Variants in CADM2 observed in about 807,000 individuals in gnomAD.
CADM2 encodes the protein immunoglobulin superfamily member 4D.
A neutral mutation model predicts 49.8 loss-of-function variants in CADM2; 12 were observed. The ratio of observed to expected loss-of-function variants is 0.24; its 90% CI spans 0.15 to 0.39. The LOEUF (loss-of-function observed/expected upper bound fraction) is 0.39, where lower values mean the gene tolerates loss of function less well. CADM2 is among the 10% of genes least tolerant of loss of function. The pLI is 1.00. For missense variants in CADM2, 378 were observed against 492.3 expected (o/e 0.77, Z 2.20); for synonymous variants, 214 against 175.4 (o/e 1.22, Z -1.74).
rs150970018 is a variant in CADM2 at position 85,069,847 on chromosome 3, A to G, written c.61+110179A>G. Among the ~76,000 whole-genome samples the G allele has an allele frequency of 3.3e-5, 5 of 152,260 alleles. No homozygotes were observed. In the East Asian group the frequency reaches 9.6e-4, roughly 29 times the overall value. ...TTTCTTTGACTATAAGTGTTTCTGA[A>G]GAAGCTGATGTGATTATCTTAAATT... On this transcript the variant is annotated intron_variant, in intron 1 of 9. Coordinates refer to ENST00000383699, the MANE Select transcript of CADM2 (RefSeq NM_001167675.2).
rs375046911 is a variant in CADM2 at position 85,948,989 on chromosome 3, A to G, written c.792-12480A>G. On this transcript the variant is annotated intron_variant, in intron 7 of 9. Transcript: ENST00000383699. ...AGGAGATGTCATGGAAATGTGAGGC[A>G]TGGTGGACTTAAGCACCACCACTCA... Among the ~76,000 whole-genome samples the G allele has an allele frequency of 4.6e-5, 7 of 151,516 alleles. No individual in the cohort carries two copies. In the South Asian group the frequency reaches 1.2e-3, roughly 27 times the overall value.
At chr3:85,388,172 G>C (rs2034338513) in intron 1 of CADM2, among the ~76,000 whole-genome samples, 1 of 152,154 alleles carries the variant, frequency 6.6e-6, no homozygotes, top group African/African-American at 2.4e-5. Flanking sequence ...GGGACTACAG[G>C]AGCATAGCAC....
At chr3:85,098,918 G>A (rs1443655052) in intron 1 of CADM2, among the ~76,000 whole-genome samples, 1 of 152,146 alleles carries the variant, frequency 6.6e-6, no homozygotes, top group African/African-American at 2.4e-5. Context: ...GCTTATTACT[G>A]TTTGGCATGA....
intron 1 of CADM2, among the ~76,000 whole-genome samples, chr3:85,410,746 T>G (rs1333026432): frequency 2.0e-5 from 3 of 152,188 alleles, no homozygotes; most frequent in Non-Finnish European, 4.4e-5. Context: ...GACACTGAAG[T>G]GCATCACCAC....
rs577773565 is a variant in CADM2, at chr3:85,989,786, G to A, written c.970+28139G>A. 6.4e-4 allele frequency among the ~76,000 whole-genome samples: 97 copies of A among 151,930 alleles called. 1 individual carries two copies. The highest frequency in any genetic ancestry group is 6.0e-3 in the Admixed American group (92 of 15,242). On this transcript the variant is annotated intron_variant, in intron 8 of 9. Coordinates refer to ENST00000383699, the MANE Select transcript of CADM2 (RefSeq NM_001167675.2). ...CCAGCACTTTTGGAGGCTGAGGCAG[G>A]CGATCACCTGAGGTCAGGAGTTCAA...
At chr3:85,329,390 CAG>C (rs1370035585) in intron 1 of CADM2, among the ~76,000 whole-genome samples, 2 of 124,762 alleles carry the variant, frequency 1.6e-5, no homozygotes, top group African/African-American at 7.4e-5. Context: ...TACACACACA[CAG>C]ACACACACAC....
chr3:85,991,018 A>G (rs1256093756), intron 8 of CADM2, among the ~76,000 whole-genome samples: 2 of 152,196 alleles, frequency 1.3e-5, no homozygotes, highest in Non-Finnish European at 2.9e-5. Flanking sequence ...GAAAAGGAAC[A>G]ATCTATCACC....
chr3:85,612,115 G>T (rs11928368), intron 1 of CADM2, among the ~76,000 whole-genome samples: 48,174 of 151,664 alleles, frequency 0.32, 8,286 homozygotes, highest in East Asian at 0.61. Flanking sequence ...ATGCATTCAA[G>T]AAACTAATAA....
chr3:85,618,612 C>G (rs540366253), intron 1 of CADM2, among the ~76,000 whole-genome samples: 1 of 152,152 alleles, frequency 6.6e-6, no homozygotes, highest in South Asian at 2.1e-4. Context: ...GGCTCACCTA[C>G]GTAATTCTTT....
chr3:85,951,152 T>A (rs569157650), intron 7 of CADM2, among the ~76,000 whole-genome samples: 2 of 151,126 alleles, frequency 1.3e-5, no homozygotes, highest in South Asian at 4.1e-4. Flanking sequence ...CTGAGCAAAC[T>A]CTAACTCATG....
At chr3:85,722,081 C>A (rs1176884747) in intron 1 of CADM2, among the ~76,000 whole-genome samples, 1 of 151,970 alleles carries the variant, frequency 6.6e-6, no homozygotes, top group Non-Finnish European at 1.5e-5. Flanking sequence ...TTCTGCAGCT[C>A]GTCTTCCTGA....
chr3:85,153,190 G>T lies in CADM2; in HGVS notation c.61+193522G>T, dbSNP rs558128443. Among the ~76,000 whole-genome samples, 3 of 152,234 alleles carry T rather than the reference G, an allele frequency of 2.0e-5. No homozygotes were observed. The East Asian group carries it at 5.9e-4, about 30-fold the overall frequency. ...CAGAGGTACCGGGTTCATCTCACTA[G>T]GGAGTGCCAGACAGTGGGCGCAGGT... is the stretch of plus-strand genomic sequence containing the variant. On this transcript the variant is annotated intron_variant, in intron 1 of 9. Coordinates refer to ENST00000383699, the MANE Select transcript of CADM2 (RefSeq NM_001167675.2).
At chr3:86,009,114 T>A (rs556769681) in intron 8 of CADM2, among the ~76,000 whole-genome samples, 235 of 140,554 alleles carry the variant, frequency 1.7e-3, no homozygotes, top group African/African-American at 6.4e-3. Context: ...TGTGTATAAA[T>A]ATATATATAT....
chr3:85,177,062 G>T (rs2040804580), intron 1 of CADM2, among the ~76,000 whole-genome samples: 1 of 152,064 alleles, frequency 6.6e-6, no homozygotes, highest in African/African-American at 2.4e-5. Context: ...AGTGTGTCTT[G>T]CTTAGACCTA....
At chr3:85,493,285 A>T (rs79327979) in intron 1 of CADM2, among the ~76,000 whole-genome samples, 12,208 of 152,162 alleles carry the variant, frequency 0.08, 943 homozygotes, top group African/African-American at 0.18. Context: ...TCTTGTATGT[A>T]TTAATATAAT....
chr3:85,468,819 C>A, intron 1 of CADM2, among the ~76,000 whole-genome samples: 1 of 152,130 alleles, frequency 6.6e-6, no homozygotes, highest in East Asian at 1.9e-4. Flanking sequence ...GTGAGATGTG[C>A]TAACGAGCAG....
intron 1 of CADM2, among the ~76,000 whole-genome samples, chr3:85,561,490 G>C (rs1488217242): frequency 1.3e-5 from 2 of 152,128 alleles, no homozygotes; most frequent in Non-Finnish European, 2.9e-5. Context: ...TATTAGTTTA[G>C]AGACTCCCCG....
At chr3:85,389,656 C>G (rs367956248) in intron 1 of CADM2, among the ~76,000 whole-genome samples, 35 of 152,126 alleles carry the variant, frequency 2.3e-4, no homozygotes, top group African/African-American at 8.2e-4. Context: ...AGAGACATTT[C>G]CTATATTTTC....
chr3:85,280,686 A>G (rs13092565), intron 1 of CADM2, among the ~76,000 whole-genome samples: 19,464 of 151,852 alleles, frequency 0.13, 1,585 homozygotes, highest in Middle Eastern at 0.21. Flanking sequence ...TAGTTTTAGA[A>G]GAGTTTACTA....
Sources: gnomAD v4.1 joint callset for allele counts (sites outside exome capture counted in the v4.1 genomes callset) on GRCh38, gnomAD v4.1.1 for gene constraint, MANE v1.5 for transcripts, NCBI Gene and HGNC (gene_info 2026-07-23, HGNC 2026-07-21) for gene names.